GRIN2B: variants seen among roughly 807,000 people sequenced by gnomAD.
GRIN2B encodes the protein glutamate receptor ionotropic, NMDA 2B.
A neutral mutation model predicts 114.5 loss-of-function variants in GRIN2B; 5 were observed. The observed-to-expected ratio is 0.04, with a 90% CI of 0.02 to 0.09. GRIN2B has a LOEUF of 0.09. Among genes scored for constraint, GRIN2B ranks in the 10% least tolerant of loss-of-function variants. The pLI is 1.00. For missense variants in GRIN2B, 1,108 were observed against 1,943.5 expected, an observed-to-expected ratio of 0.57 and a Z score of 8.08; for synonymous variants, 787 against 745.1, an observed-to-expected ratio of 1.06 and a Z score of -0.92.
chr12:13,829,592 C>T (rs977214865), intron 3 of GRIN2B, among the ~76,000 whole-genome samples: 2 of 152,184 alleles, frequency 1.3e-5, no homozygotes, highest in African/African-American at 4.8e-5. Flanking sequence ...AATGATAATG[C>T]AGGTTAACTA....
chr12:13,718,375 A>G (rs536400395), intron 4 of GRIN2B, among the ~76,000 whole-genome samples: 3 of 152,168 alleles, frequency 2.0e-5, no homozygotes, highest in African/African-American at 7.2e-5. Flanking sequence ...GGAGAGATTC[A>G]GAGCTGTGAA....
intron 10 of GRIN2B, among the ~76,000 whole-genome samples, chr12:13,607,108 C>T (rs1949262280): frequency 7.5e-6 from 1 of 134,208 alleles, no homozygotes; most frequent in African/African-American, 2.8e-5. Context: ...TGCATTTAGG[C>T]CACCCAACCA....
At chr12:13,958,051 C>T (rs991788258) in intron 2 of GRIN2B, among the ~76,000 whole-genome samples, 7 of 152,144 alleles carry the variant, frequency 4.6e-5, no homozygotes, top group African/African-American at 9.7e-5. Context: ...ACAACATTTC[C>T]GTCACGGTAG....
At chr12:13,616,049 A>G (rs971638251) in intron 6 of GRIN2B, among the ~76,000 whole-genome samples, 1 of 152,192 alleles carries the variant, frequency 6.6e-6, no homozygotes, top group African/African-American at 2.4e-5. Flanking sequence ...GGCACTTCAC[A>G]CCAAGGAGAA....
At chr12:13,825,496 TTGTGTGTGTG>T (rs55893904) in intron 3 of GRIN2B, among the ~76,000 whole-genome samples, 32 of 122,994 alleles carry the variant, frequency 2.6e-4, no homozygotes, top group Non-Finnish European at 4.1e-4. Context: ...TATATATATT[TTGTGTGTGTG>T]TGTGTGTGTG....
intron 3 of GRIN2B, among the ~76,000 whole-genome samples, chr12:13,839,807 A>G (rs758041899): frequency 1.3e-5 from 2 of 152,222 alleles, no homozygotes; most frequent in Admixed American, 1.3e-4. Flanking sequence ...AACAGCATCA[A>G]TTGACTATAA....
intron 3 of GRIN2B, among the ~76,000 whole-genome samples, chr12:13,823,831 T>C (rs570617729): frequency 6.6e-6 from 1 of 152,286 alleles, no homozygotes; most frequent in East Asian, 1.9e-4. Flanking sequence ...ATGTTCTACA[T>C]TTAGTTTATT....
At chr12:13,801,780 C>T (rs1864519056) in intron 3 of GRIN2B, among the ~76,000 whole-genome samples, 1 of 152,138 alleles carries the variant, frequency 6.6e-6, no homozygotes, top group Admixed American at 6.6e-5. Context: ...GACCACTCAG[C>T]TCATTTCTGT....
At chr12:13,885,269 G>A (rs1685525627) in intron 2 of GRIN2B, among the ~76,000 whole-genome samples, 1 of 152,148 alleles carries the variant, frequency 6.6e-6, no homozygotes, top group Non-Finnish European at 1.5e-5. Flanking sequence ...AAATGCAGAA[G>A]TTCCTATAGA....
chr12:13,915,954 A>G (rs1866711175), intron 2 of GRIN2B, among the ~76,000 whole-genome samples: 1 of 152,058 alleles, frequency 6.6e-6, no homozygotes, highest in South Asian at 2.1e-4. Context: ...AGGTAAAATC[A>G]ACATCTCCCC....
chr12:13,848,237 C>T (rs1865500972), intron 3 of GRIN2B, among the ~76,000 whole-genome samples: 2 of 152,176 alleles, frequency 1.3e-5, no homozygotes, highest in Admixed American at 6.5e-5. Context: ...AAACTTCTTT[C>T]ACTAAGTTAG....
intron 2 of GRIN2B, among the ~76,000 whole-genome samples, chr12:13,935,087 G>A (rs1014674779): frequency 3.9e-5 from 6 of 152,136 alleles, no homozygotes; most frequent in African/African-American, 1.4e-4. Flanking sequence ...AAGATAGAGA[G>A]ATAGAAGGAA....
intron 4 of GRIN2B, among the ~76,000 whole-genome samples, chr12:13,713,142 C>T (rs759228297): frequency 1.3e-5 from 2 of 151,842 alleles, no homozygotes; most frequent in South Asian, 4.1e-4. Flanking sequence ...GAAACATTTA[C>T]AGTACATTTA....
chr12:13,962,089 T>TACACACACACACACACAC (rs143658576), intron 2 of GRIN2B, among the ~76,000 whole-genome samples: 8,556 of 145,162 alleles, frequency 0.059, 378 homozygotes, highest in Middle Eastern at 0.11. Flanking sequence ...CTCTCATACA[T>TACACACACACACACACAC]ACACACACAC....
chr12:13,758,998 A>AGTTTTTT (rs771891565), intron 3 of GRIN2B, among the ~76,000 whole-genome samples: 12 of 85,624 alleles, frequency 1.4e-4, no homozygotes, highest in South Asian at 4.2e-4. Flanking sequence ...ATCTAGTTCA[A>AGTTTTTT]TTTTTTTTTT....
At chr12:13,607,915 GC>G (rs927495926) in intron 10 of GRIN2B, among the ~76,000 whole-genome samples, 2 of 152,116 alleles carry the variant, frequency 1.3e-5, no homozygotes, top group Non-Finnish European at 2.9e-5. Context: ...AAAATGTGAT[GC>G]TTCAGGCAGA....
rs370908319 is a variant in GRIN2B at position 13,563,895 on chromosome 12, G to C, written c.3343C>G (p.Arg1115Gly). ...IELAYRRRPP[R>G]SPDHKRYFRD... ...AAGTAGCGCTTGTGGTCAGGGGAGC[G>C]GGGCGGTCGGCGACGGTAGGCCAGC... Residue 1115 changes from arginine (R) to glycine (G), a missense_variant, in exon 14 of 14, where the codon CGC becomes GGC. By Grantham distance (125) the Arg-to-Gly change is moderately radical. This residue lies in a region of GRIN2B where 478 missense variants were observed against 506.0 expected (regional missense o/e 0.94). Transcript: ENST00000609686. The C allele has an allele frequency of 7.4e-6, 12 of 1,614,008 alleles. No individual in the cohort carries two copies. The Admixed American group carries it at 1.8e-4, about 25-fold the overall frequency.
chr12:13,641,322 T>G (rs550812379), intron 5 of GRIN2B, among the ~76,000 whole-genome samples: 211 of 152,108 alleles, frequency 1.4e-3, no homozygotes, highest in African/African-American at 4.8e-3. Flanking sequence ...ATCCTCCCAC[T>G]TCAGCCTCCC....
At chr12:13,872,373 T>G (rs1865925032) in intron 2 of GRIN2B, among the ~76,000 whole-genome samples, 1 of 151,646 alleles carries the variant, frequency 6.6e-6, no homozygotes, top group Non-Finnish European at 1.5e-5. Context: ...GGAGAATCCC[T>G]TGAACAACGG....
Sources: gnomAD v4.1 joint callset for allele counts (sites outside exome capture counted in the v4.1 genomes callset) on GRCh38, gnomAD v4.1.1 for gene constraint, gnomAD v4.1.1 regional missense constraint, MANE v1.5 for transcripts, NCBI Gene and HGNC (gene_info 2026-07-23, HGNC 2026-07-21) for gene names.